CCSER1: variants seen among roughly 807,000 people sequenced by gnomAD.
The protein encoded by CCSER1 is coiled-coil serine rich protein 1.
A neutral mutation model predicts 82.0 loss-of-function variants in CCSER1; 41 were observed. The observed-to-expected ratio is 0.50, with a 90% CI of 0.39 to 0.65. CCSER1 has a LOEUF of 0.65. CCSER1 is among the 30% of genes least tolerant of loss of function. CCSER1 has a pLI of 0.00. For missense variants in CCSER1, 1,119 were observed against 1,064.2 expected (o/e 1.05, Z -0.72); for synonymous variants, 414 against 383.9 (o/e 1.08, Z -0.92).
intron 10 of CCSER1, among the ~76,000 whole-genome samples, chr4:91,266,573 C>T (rs907378829): frequency 2.2e-4 from 33 of 152,090 alleles, no homozygotes; most frequent in South Asian, 1.0e-3. Context: ...TTGAGGAAGA[C>T]GCTTTCCTGT....
chr4:90,541,781 C>T (rs1776145406), intron 5 of CCSER1, among the ~76,000 whole-genome samples: 1 of 151,716 alleles, frequency 6.6e-6, no homozygotes, highest in Non-Finnish European at 1.5e-5. Context: ...TAGTTTGAAA[C>T]TGTTTTCAAA....
chr4:90,530,242 T>A (rs1384768182), intron 5 of CCSER1, among the ~76,000 whole-genome samples: 2 of 152,090 alleles, frequency 1.3e-5, no homozygotes, highest in Non-Finnish European at 2.9e-5. Flanking sequence ...AAGTCAGTAA[T>A]CATAGTTTTT....
In CCSER1 at chr4:91,599,010, A is replaced by G; in HGVS notation, c.2656A>G (p.Asn886Asp). Residue 886 changes from asparagine to aspartate, a missense_variant, in exon 11 of 11, where the codon AAT (asparagine) becomes GAT (aspartate). By Grantham distance (23) the Asn-to-Asp change is conservative. Coordinates refer to ENST00000509176, the MANE Select transcript of CCSER1 (RefSeq NM_001145065.2). ...YSRKNVFLHH[N>D]LHSTELQTLG... ...CAGGAAGAATGTGTTTCTCCACCAC[A>G]ATTTACACAGCACTGAGCTGCAAAC... 2 of 1,551,394 alleles carry G rather than the reference A, an allele frequency of 1.3e-6. No homozygotes were observed. The highest frequency in any genetic ancestry group is 1.7e-6 in the Non-Finnish European group (2 of 1,146,810).
intron 6 of CCSER1, among the ~76,000 whole-genome samples, chr4:90,705,375 C>T (rs775076283): frequency 4.6e-5 from 7 of 152,200 alleles, no homozygotes; most frequent in Non-Finnish European, 8.8e-5. Context: ...AGTTGTCAGT[C>T]TCCCCCTACT....
At position 90,352,439 on chromosome 4, in the gene CCSER1, G is replaced by A. The variant is rs113388363; in HGVS notation, c.1509+39392G>A. 7.9e-3 allele frequency among the ~76,000 whole-genome samples: 1,202 copies of A among 152,154 alleles called. 9 individuals are homozygous for A. Among genetic ancestry groups the A allele is most frequent in the African/African-American group, 0.013 (552 of 41,518 alleles). ...AGCACTATGGGCAGTCCAGGTGGGC[G>A]GATCACCTGAGGTCAGGAGTTCCAG... On this transcript the variant is annotated intron_variant, in intron 3 of 10. Transcript: ENST00000509176.
intron 1 of CCSER1, among the ~76,000 whole-genome samples, chr4:90,213,111 A>G (rs890327844): frequency 1.3e-5 from 2 of 152,176 alleles, no homozygotes; most frequent in Non-Finnish European, 2.9e-5. Context: ...TGACAGGTGC[A>G]CTCTGGCATC....
chr4:90,203,531 C>T (rs1287804796), intron 1 of CCSER1, among the ~76,000 whole-genome samples: 2 of 152,078 alleles, frequency 1.3e-5, no homozygotes, highest in Non-Finnish European at 2.9e-5. Context: ...TGACTTCATC[C>T]TTTTTATGGC....
chr4:91,104,912 G>A (rs933306643), intron 10 of CCSER1, among the ~76,000 whole-genome samples: 1 of 152,056 alleles, frequency 6.6e-6, no homozygotes, highest in African/African-American at 2.4e-5. Flanking sequence ...TTTCTTTTTG[G>A]TATAAATTCA....
At chr4:91,178,503 G>A (rs1394245930) in intron 10 of CCSER1, among the ~76,000 whole-genome samples, 3 of 152,170 alleles carry the variant, frequency 2.0e-5, no homozygotes, top group Non-Finnish European at 4.4e-5. Flanking sequence ...TGTATTGGGT[G>A]CATATATATT....
chr4:91,369,475 A>G (rs1749866155), intron 10 of CCSER1, among the ~76,000 whole-genome samples: 1 of 152,140 alleles, frequency 6.6e-6, no homozygotes, highest in Non-Finnish European at 1.5e-5. Flanking sequence ...CTCCAGAATT[A>G]TAGTTCCAGA....
At chr4:90,417,387 T>G (rs2153558962) in intron 4 of CCSER1, among the ~76,000 whole-genome samples, 1 of 152,208 alleles carries the variant, frequency 6.6e-6, no homozygotes, top group South Asian at 2.1e-4. Context: ...ATATTAACCA[T>G]TAATCATTAA....
intron 5 of CCSER1, among the ~76,000 whole-genome samples, chr4:90,502,235 A>G (rs1363767669): frequency 6.6e-6 from 1 of 152,148 alleles, no homozygotes; most frequent in East Asian, 1.9e-4. Context: ...CAGGAAACTT[A>G]CCAGCATGGA....
At chr4:90,262,712 G>A (rs1462337789) in intron 1 of CCSER1, among the ~76,000 whole-genome samples, 1 of 151,960 alleles carries the variant, frequency 6.6e-6, no homozygotes, top group Non-Finnish European at 1.5e-5. Context: ...CAGGGGGAAG[G>A]GTGGGAGCTA....
Position 91,097,147 on chromosome 4 carries a change from C to T in CCSER1, c.2217+11153C>T, listed in dbSNP as rs74796150. 8.7e-3 allele frequency among the ~76,000 whole-genome samples: 1,329 copies of T among 152,202 alleles called. 21 individuals are homozygous for T. Among genetic ancestry groups the T allele is most frequent in the African/African-American group, 0.03 (1,234 of 41,500 alleles). On this transcript the variant is annotated intron_variant, in intron 10 of 10. Coordinates refer to ENST00000509176, the MANE Select transcript of CCSER1 (RefSeq NM_001145065.2). ...CCCTACCTCAAAAATGCCCAACCAT[C>T]GGTATTCTGAATATTCTGTATCACA...
chr4:91,109,267 T>G (rs11097299), intron 10 of CCSER1, among the ~76,000 whole-genome samples: 14,477 of 152,110 alleles, frequency 0.095, 927 homozygotes, highest in East Asian at 0.27. Flanking sequence ...TTCAGCTAGT[T>G]CCCCTAATAT....
chr4:91,444,261 C>A (rs1010379004), intron 10 of CCSER1, among the ~76,000 whole-genome samples: 4 of 152,084 alleles, frequency 2.6e-5, no homozygotes, highest in South Asian at 4.1e-4. Flanking sequence ...CCACTTAGAA[C>A]AAGGAGCATA....
At chr4:91,378,846 C>A (rs1290765324) in intron 10 of CCSER1, among the ~76,000 whole-genome samples, 1 of 152,124 alleles carries the variant, frequency 6.6e-6, no homozygotes, top group Non-Finnish European at 1.5e-5. Flanking sequence ...AAAGGGAATG[C>A]TTCCAGTTTT....
At chr4:91,456,425 G>T (rs544565885) in intron 10 of CCSER1, among the ~76,000 whole-genome samples, 1 of 152,086 alleles carries the variant, frequency 6.6e-6, no homozygotes, top group Admixed American at 6.6e-5. Context: ...GAACAGAAAA[G>T]GGACATTTCA....
intron 9 of CCSER1, among the ~76,000 whole-genome samples, chr4:90,952,723 G>A: frequency 6.6e-6 from 1 of 152,000 alleles, no homozygotes; most frequent in East Asian, 1.9e-4. Flanking sequence ...GCCGAGGTTA[G>A]CTCTGTATAG....
Sources: allele counts gnomAD v4.1 joint callset (sites outside exome capture counted in the v4.1 genomes callset), GRCh38; gene constraint gnomAD v4.1.1; transcripts MANE v1.5; gene names NCBI Gene and HGNC (gene_info 2026-07-23, HGNC 2026-07-21).